The following ELF2 variants were observed in gnomAD, a reference collection of about 807,000 sequenced individuals.
ELF2 encodes the protein ETS-related transcription factor Elf-2.
Under a neutral mutation model 54.8 loss-of-function variants are expected in ELF2, and 11 were observed. The observed-to-expected ratio is 0.20, with a 90% CI of 0.13 to 0.33. The LOEUF (loss-of-function observed/expected upper bound fraction) is 0.33, where lower values mean the gene tolerates loss of function less well. ELF2 is among the 10% of genes least tolerant of loss of function. The pLI is 1.00. For missense variants in ELF2, 513 were observed against 703.0 expected, an observed-to-expected ratio of 0.73 and a Z score of 3.06; for synonymous variants, 203 against 245.1, an observed-to-expected ratio of 0.83 and a Z score of 1.61.
intron 1 of ELF2, among the ~76,000 whole-genome samples, chr4:139,146,158 A>G (rs973318888): frequency 6.6e-6 from 1 of 152,218 alleles, no homozygotes; most frequent in African/African-American, 2.4e-5. Context: ...ATTAGATTTG[A>G]TAAGTGAATT....
At chr4:139,066,464 A>ATC in intron 7 of ELF2, 1 of 152,138 alleles carries the variant, frequency 6.6e-6, no homozygotes, top group Middle Eastern at 3.4e-3. Flanking sequence ...TAAAATTAAA[A>ATC]AAAAAAGATA....
chr4:139,082,057 C>T lies in ELF2; in HGVS notation c.239-8490G>A, dbSNP rs1578735031. Among the ~76,000 whole-genome samples the T allele has an allele frequency of 4.6e-5, 7 of 152,246 alleles. No individual in the cohort carries two copies. In the South Asian group the frequency reaches 1.5e-3, roughly 32 times the overall value. ...AGTCTTTTATATACACACATATATA[C>T]TCCAAGGAGAATACCTACAGGCCAT... On this transcript the variant is annotated intron_variant, in intron 4 of 9. Transcript: ENST00000686138.
intron 1 of ELF2, among the ~76,000 whole-genome samples, chr4:139,160,653 C>T (rs931420478): frequency 2.4e-4 from 37 of 152,066 alleles, no homozygotes; most frequent in African/African-American, 7.2e-4. Context: ...ACAAAATATA[C>T]GGGAGATTTA....
chr4:139,170,832 G>A (rs539056760), intron 1 of ELF2, among the ~76,000 whole-genome samples: 3 of 151,532 alleles, frequency 2.0e-5, no homozygotes, highest in East Asian at 3.9e-4. Flanking sequence ...TGCAACCTCC[G>A]CCTCCCAGGT....
At chr4:139,105,756 G>A (rs1007396480) in intron 4 of ELF2, among the ~76,000 whole-genome samples, 1 of 152,172 alleles carries the variant, frequency 6.6e-6, no homozygotes, top group Non-Finnish European at 1.5e-5. Flanking sequence ...GCTGAGTGTG[G>A]TGGCTCACAC....
chr4:139,059,890 T>C (rs1388205122), intron 9 of ELF2, among the ~76,000 whole-genome samples: 1 of 151,622 alleles, frequency 6.6e-6, no homozygotes, highest in Non-Finnish European at 1.5e-5. Context: ...GTCTGTCACC[T>C]AGGCTGGAGT....
chr4:139,158,470 G>A (rs1187854812), intron 1 of ELF2, among the ~76,000 whole-genome samples: 2 of 152,152 alleles, frequency 1.3e-5, no homozygotes, highest in African/African-American at 2.4e-5. Context: ...TGGAGAGATA[G>A]TGGGCAATGT....
At chr4:139,097,867 GCCA>G (rs1413800735) in intron 4 of ELF2, among the ~76,000 whole-genome samples, 1 of 152,084 alleles carries the variant, frequency 6.6e-6, no homozygotes, top group Non-Finnish European at 1.5e-5. Flanking sequence ...ATAGGTGAGT[GCCA>G]CCATGCCCAG....
At chr4:139,150,406 C>T (rs1739746960) in intron 1 of ELF2, among the ~76,000 whole-genome samples, 1 of 151,348 alleles carries the variant, frequency 6.6e-6, no homozygotes, top group East Asian at 2.0e-4. Flanking sequence ...TGGTGCACAC[C>T]TGTAGTCCCG....
Position 139,077,633 on chromosome 4 carries a change from TCTC to T in ELF2, c.239-4069_239-4067del, listed in dbSNP as rs571735209. Reference sequence around the variant, plus strand: ...TTTTAACAGAAATTTAAGAAATATTTCTCCTACTTGTGTCTGTAATTAAAAAAA... The same window carrying T: ...TTTTAACAGAAATTTAAGAAATATTTCTACTTGTGTCTGTAATTAAAAAAA... On this transcript the variant is annotated intron_variant, in intron 4 of 9. Coordinates refer to ENST00000686138, the MANE Select transcript of ELF2 (RefSeq NM_001331036.3). 5.0e-3 allele frequency among the ~76,000 whole-genome samples: 760 copies of T among 152,276 alleles called. 11 individuals carry two copies. Among genetic ancestry groups the T allele is most frequent in the Non-Finnish European group, 5.7e-3 (389 of 68,022 alleles).
chr4:139,153,396 C>A (rs980209925), intron 1 of ELF2, among the ~76,000 whole-genome samples: 2 of 151,978 alleles, frequency 1.3e-5, no homozygotes. Flanking sequence ...GATTGTGCCA[C>A]TGCACTCCAG....
At chr4:139,170,259 C>CTTTTTTTTTTTTTTTTTTT (rs70940499) in intron 1 of ELF2, among the ~76,000 whole-genome samples, 1 of 89,292 alleles carries the variant, frequency 1.1e-5, no homozygotes, top group East Asian at 3.1e-4. Context: ...TCTTAATCGC[C>CTTTTTTTTTTTTTTTTTTT]TTTTTTTTTT....
intron 6 of ELF2, 34 bp downstream of exon 6, chr4:139,071,832 C>A: frequency 1.3e-6 from 2 of 1,547,556 alleles, no homozygotes; most frequent in South Asian, 1.2e-5. Context: ...AAAATTTTCA[C>A]CTGCCTTCTC....
At chr4:139,177,838 C>T (rs1743133373), upstream of ELF2, among the ~76,000 whole-genome samples, 2 of 152,296 alleles carry the variant, frequency 1.3e-5, no homozygotes, top group South Asian at 4.1e-4. Flanking sequence ...CTGACAGTTA[C>T]AGGGGGGCGA....
rs1743018044 is a variant in ELF2 at position 139,176,963 on chromosome 4, T to G, written c.-252+4A>C. 6.6e-6 allele frequency: 1 copy of G among 152,034 alleles called. No homozygotes were observed. Among genetic ancestry groups the G allele is most frequent in the Non-Finnish European group, 1.5e-5 (1 of 67,988 alleles). 9.4% of individuals were successfully genotyped at this position (152,034 alleles called of 1,614,324 possible). On this transcript the variant is annotated splice_donor_region_variant and intron_variant, in intron 1 of 9. Coordinates refer to ENST00000686138, the MANE Select transcript of ELF2 (RefSeq NM_001331036.3). ...TCACCAGCCTCGGCTGCCCGCGCTC[T>G]TACCTGCTCTCCGCGACGCCTGGGA... is the stretch of plus-strand genomic sequence containing the variant.
intron 4 of ELF2, among the ~76,000 whole-genome samples, chr4:139,098,979 T>C (rs1482314214): frequency 1.3e-5 from 2 of 152,256 alleles, no homozygotes; most frequent in African/African-American, 4.8e-5. Flanking sequence ...CTTTGTTGCC[T>C]TTTGTTAAAT....
intron 4 of ELF2, among the ~76,000 whole-genome samples, chr4:139,113,571 C>T (rs373504508): frequency 6.6e-6 from 1 of 151,118 alleles, no homozygotes; most frequent in Non-Finnish European, 1.5e-5. Flanking sequence ...AAAAATTGGC[C>T]GAGCGCAATG....
intron 4 of ELF2, chr4:139,115,171 C>G (rs1263589834): frequency 3.1e-6 from 5 of 1,612,418 alleles, no homozygotes; most frequent in Non-Finnish European, 4.2e-6. Context: ...TAGGTTGAGG[C>G]GCTTCCGTAG....
intron 4 of ELF2, among the ~76,000 whole-genome samples, chr4:139,083,181 TG>T (rs3840276): frequency 0.29 from 40,883 of 139,300 alleles, 5,644 homozygotes; most frequent in South Asian, 0.39. Context: ...GTGGGAGGTT[TG>T]GGGGGGGGTA....
Sources: allele counts gnomAD v4.1 joint callset (sites outside exome capture counted in the v4.1 genomes callset), GRCh38; gene constraint gnomAD v4.1.1; transcripts MANE v1.5; gene names NCBI Gene and HGNC (gene_info 2026-07-23, HGNC 2026-07-21).